Variants in AOAH observed in about 807,000 individuals in gnomAD.
AOAH encodes the protein acyloxyacyl hydrolase (neutrophil).
Under a neutral mutation model 92.2 loss-of-function variants are expected in AOAH, and 64 were observed. The observed-to-expected ratio is 0.69, with a 90% confidence interval of 0.57 to 0.86. The LOEUF is 0.86. Among genes scored for constraint, AOAH ranks in the 40% least tolerant of loss-of-function variants. The pLI is 0.00. For synonymous variants in AOAH, 263 were observed against 254.5 expected (o/e 1.03, Z -0.32); for missense variants, 656 against 694.6 (o/e 0.94, Z 0.62).
chr7:36,686,869 T>A (rs1797055571), intron 1 of AOAH, 75 bp from the exon 2 acceptor site: 23 of 808,138 alleles, frequency 2.8e-5, no homozygotes, highest in Non-Finnish European at 4.0e-5. Context: ...AAAGAAAGGA[T>A]GCGTGTGTGT....
At chr7:36,636,836 C>T (rs907745652) in intron 5 of AOAH, among the ~76,000 whole-genome samples, 13 of 152,160 alleles carry the variant, frequency 8.5e-5, no homozygotes, top group African/African-American at 9.6e-5. Context: ...TTTTTACTTG[C>T]GAAATCTGGC....
intron 12 of AOAH, among the ~76,000 whole-genome samples, chr7:36,579,089 G>A (rs1048989958): frequency 1.3e-5 from 2 of 152,040 alleles, no homozygotes; most frequent in African/African-American, 2.4e-5. Context: ...GTACCAACAG[G>A]GATGGTGCTT....
chr7:36,522,207 C>G, intron 19 of AOAH, 92 bp from the exon 20 acceptor site: 2 of 1,209,128 alleles, frequency 1.7e-6, no homozygotes, highest in Non-Finnish European at 2.4e-6. Context: ...CCCATGCCCT[C>G]CCGGGCCCAT....
At chr7:36,682,624 T>C (rs950200300) in intron 2 of AOAH, among the ~76,000 whole-genome samples, 12 of 151,010 alleles carry the variant, frequency 7.9e-5, no homozygotes, top group African/African-American at 2.9e-4. Flanking sequence ...CATGAAAAAA[T>C]AGCAAGAATA....
intron 6 of AOAH, among the ~76,000 whole-genome samples, chr7:36,630,645 AT>A (rs1173251716): frequency 2.0e-5 from 3 of 152,166 alleles, no homozygotes; most frequent in African/African-American, 7.2e-5. Flanking sequence ...AGGAATCTGG[AT>A]TTTAAAACGT....
At chr7:36,583,073 G>A (rs1352022170) in intron 12 of AOAH, among the ~76,000 whole-genome samples, 2 of 152,160 alleles carry the variant, frequency 1.3e-5, no homozygotes, top group Admixed American at 6.5e-5. Flanking sequence ...TTGAACTCCT[G>A]ACCTCAGGTG....
intron 13 of AOAH, among the ~76,000 whole-genome samples, chr7:36,556,772 TTAAAGTCTGTTTTATCAGAGAC>T (rs1786756114): frequency 7.3e-6 from 1 of 137,724 alleles, no homozygotes; most frequent in African/African-American, 2.7e-5. Context: ...CTTTGTTGGT[TTAAAGTCTGTTTTATCAGAGAC>T]TAGGATTGCA....
At chr7:36,669,057 C>A (rs1795738666) in intron 3 of AOAH, among the ~76,000 whole-genome samples, 1 of 152,148 alleles carries the variant, frequency 6.6e-6, no homozygotes, top group Admixed American at 6.5e-5. Context: ...ATGATGATGA[C>A]CATCGTTATC....
intron 12 of AOAH, among the ~76,000 whole-genome samples, chr7:36,581,499 T>C (rs1157826886): frequency 2.0e-5 from 3 of 152,230 alleles, no homozygotes; most frequent in Admixed American, 6.5e-5. Context: ...TATTTTATTA[T>C]ATTTTGGAAA....
chr7:36,545,159 C>T (rs768234968), intron 15 of AOAH, among the ~76,000 whole-genome samples: 2 of 152,124 alleles, frequency 1.3e-5, no homozygotes, highest in Admixed American at 6.5e-5. Flanking sequence ...TCAAGCTATC[C>T]TCCCACTTTA....
chr7:36,522,238 C>G, intron 19 of AOAH, 123 bp from the exon 20 acceptor site: 1 of 716,306 alleles, frequency 1.4e-6, no homozygotes, highest in Non-Finnish European at 2.4e-6. Context: ...CCACGGCTGC[C>G]TCTGAGCTGC....
At chr7:36,708,262 G>A (rs1056988580) in intron 1 of AOAH, among the ~76,000 whole-genome samples, 2 of 152,052 alleles carry the variant, frequency 1.3e-5, no homozygotes, top group Middle Eastern at 3.2e-3. Context: ...CTTTGGTTGG[G>A]ATAATATGTA....
chr7:36,717,686 CTT>C (rs1176955018), intron 1 of AOAH, among the ~76,000 whole-genome samples: 4 of 149,260 alleles, frequency 2.7e-5, no homozygotes, highest in Non-Finnish European at 5.9e-5. Flanking sequence ...AAAATTCACT[CTT>C]GTAATTCTCA....
At chr7:36,624,593 T>A (rs767666860) in intron 6 of AOAH, among the ~76,000 whole-genome samples, 48 of 152,228 alleles carry the variant, frequency 3.2e-4, no homozygotes, top group Non-Finnish European at 5.6e-4. Flanking sequence ...CCAGGTTCCC[T>A]TGGGAACTGG....
intron 11 of AOAH, among the ~76,000 whole-genome samples, chr7:36,598,461 A>G (rs1474741206): frequency 6.6e-6 from 1 of 152,242 alleles, no homozygotes; most frequent in Non-Finnish European, 1.5e-5. Flanking sequence ...TTTCAGTTTC[A>G]GTATCTCCAA....
At chr7:36,634,558 G>A (rs904729983) in intron 5 of AOAH, among the ~76,000 whole-genome samples, 2 of 152,132 alleles carry the variant, frequency 1.3e-5, no homozygotes, top group Admixed American at 6.5e-5. Context: ...GAGTCTTGCC[G>A]ATGCCCCTGG....
chr7:36,662,558 C>T (rs1584059611), intron 3 of AOAH, among the ~76,000 whole-genome samples: 1 of 152,342 alleles, frequency 6.6e-6, no homozygotes. Flanking sequence ...TAGCTGATGA[C>T]TGCTGTCTTT....
chr7:36,681,349 G>T (rs1262825659), intron 2 of AOAH, among the ~76,000 whole-genome samples: 1 of 152,146 alleles, frequency 6.6e-6, no homozygotes, highest in Admixed American at 6.5e-5. Context: ...GTAATTAAGA[G>T]ACTTGACCTA....
chr7:36,701,894 A>G (rs902884365), intron 1 of AOAH, among the ~76,000 whole-genome samples: 4 of 151,876 alleles, frequency 2.6e-5, no homozygotes, highest in Admixed American at 6.6e-5. Context: ...TTTTTGCACT[A>G]TTTTACTTCC....
Sources: gnomAD v4.1 joint callset for allele counts (sites outside exome capture counted in the v4.1 genomes callset) on GRCh38, gnomAD v4.1.1 for gene constraint, MANE v1.5 for transcripts, NCBI Gene and HGNC (gene_info 2026-07-23, HGNC 2026-07-21) for gene names.